Variants in CLVS1 observed in about 807,000 individuals in gnomAD.
CLVS1 encodes clavesin 1.
Under a neutral mutation model 33.1 loss-of-function variants are expected in CLVS1, and 10 were observed. That is an observed-to-expected ratio of 0.30 (90% CI 0.19 to 0.51). The LOEUF is 0.51. Ranked by LOEUF, CLVS1 falls within the 20% of genes least tolerant of loss-of-function variation. The pLI, the probability that CLVS1 is intolerant of heterozygous loss-of-function variation, is 0.97. For synonymous variants in CLVS1, 163 were observed against 166.1 expected (o/e 0.98, Z 0.14); for missense variants, 343 against 433.4 (o/e 0.79, Z 1.85).
At chr8:61,096,714 G>A (rs1279920503) in intron 1 of CLVS1, among the ~76,000 whole-genome samples, 1 of 152,044 alleles carries the variant, frequency 6.6e-6, no homozygotes, top group Non-Finnish European at 1.5e-5. Flanking sequence ...TCTGTGTTTT[G>A]GAATGGTGAA....
intron 1 of CLVS1, among the ~76,000 whole-genome samples, chr8:61,069,645 T>C (rs149321109): frequency 5.6e-4 from 85 of 152,276 alleles, no homozygotes; most frequent in African/African-American, 2.0e-3. Flanking sequence ...TGTTCTCAGT[T>C]CTGCTCCCAA....
chr8:61,211,007 G>A (rs1807959854), intron 2 of CLVS1, among the ~76,000 whole-genome samples: 1 of 152,140 alleles, frequency 6.6e-6, no homozygotes, highest in African/African-American at 2.4e-5. Flanking sequence ...AGAGCAAGGG[G>A]AGAGTAAAGT....
At chr8:61,193,408 T>C (rs1807536550) in intron 2 of CLVS1, among the ~76,000 whole-genome samples, 1 of 151,968 alleles carries the variant, frequency 6.6e-6, no homozygotes, top group African/African-American at 2.4e-5. Flanking sequence ...TTAGGAGATA[T>C]ACCTAATGTA....
At chr8:61,275,659 T>TC (rs1371161389) in intron 2 of CLVS1, among the ~76,000 whole-genome samples, 1 of 152,044 alleles carries the variant, frequency 6.6e-6, no homozygotes, top group Non-Finnish European at 1.5e-5. Flanking sequence ...TTGAGTTCAA[T>TC]CCCCCCACAG....
At chr8:61,020,397 G>A in the CLVS1 span, among the ~76,000 whole-genome samples, 1 of 152,160 alleles carries the variant, frequency 6.6e-6, no homozygotes, top group African/African-American at 2.4e-5. Context: ...TCAGCAATAG[G>A]CTGAAATTGA....
chr8:61,003,599 A>C, the CLVS1 span, among the ~76,000 whole-genome samples: 1 of 152,218 alleles, frequency 6.6e-6, no homozygotes, highest in Non-Finnish European at 1.5e-5. Flanking sequence ...CCAGTGCCTT[A>C]TGGTAGAATC....
At position 61,358,280 on chromosome 8, in the gene CLVS1, T is replaced by C. The variant is rs184689378; in HGVS notation, c.456-18325T>C. Among the ~76,000 whole-genome samples the C allele has an allele frequency of 1.9e-3, 289 of 152,366 alleles. 1 individual carries two copies. Among genetic ancestry groups the C allele is most frequent in the African/African-American group, 6.5e-3 (270 of 41,590 alleles). On this transcript the variant is annotated intron_variant, in intron 2 of 5. Transcript: ENST00000325897. The stretch of plus-strand genomic sequence containing the variant: ...ACCCTCACCTACCTCCTTTCCTATG[T>C]TAGTCATTTCCAGCAAGTAAAATCA...
the CLVS1 span, among the ~76,000 whole-genome samples, chr8:61,031,414 C>T: frequency 5.3e-5 from 8 of 152,194 alleles, no homozygotes; most frequent in East Asian, 1.9e-4. Context: ...AACCTGCCTC[C>T]GTTCCCCACC....
chr8:61,331,160 C>T (rs1419897037), intron 2 of CLVS1, among the ~76,000 whole-genome samples: 2 of 152,166 alleles, frequency 1.3e-5, no homozygotes, highest in African/African-American at 4.8e-5. Flanking sequence ...AATTGCTTTT[C>T]TTCAGAATTT....
At chr8:61,273,169 G>C (rs1237323266) in intron 2 of CLVS1, among the ~76,000 whole-genome samples, 3 of 146,732 alleles carry the variant, frequency 2.0e-5, no homozygotes, top group African/African-American at 5.1e-5. Context: ...ATGGGTTTTT[G>C]GTGTGGATGT....
chr8:61,228,389 T>C (rs903226734), intron 2 of CLVS1, among the ~76,000 whole-genome samples: 1 of 152,178 alleles, frequency 6.6e-6, no homozygotes, highest in African/African-American at 2.4e-5. Flanking sequence ...CAACTTATGA[T>C]GGGGTTAGAT....
At chr8:61,173,077 G>A (rs186814178) in intron 2 of CLVS1, among the ~76,000 whole-genome samples, 42 of 152,124 alleles carry the variant, frequency 2.8e-4, no homozygotes, top group African/African-American at 9.2e-4. Context: ...TGTCAAGTGC[G>A]CATTCAGTAC....
upstream of CLVS1, among the ~76,000 whole-genome samples, chr8:61,056,053 G>A (rs1386497768): frequency 6.6e-6 from 1 of 152,198 alleles, no homozygotes; most frequent in Non-Finnish European, 1.5e-5. Flanking sequence ...AGACTTATCA[G>A]CTCTGCTTAT....
the CLVS1 span, among the ~76,000 whole-genome samples, chr8:60,988,231 TG>T: frequency 6.6e-6 from 1 of 152,102 alleles, no homozygotes; most frequent in African/African-American, 2.4e-5. Flanking sequence ...CTGTAGAGAC[TG>T]GGGGGTGCAG....
chr8:61,286,831 T>G (rs1209403288), upstream of CLVS1, among the ~76,000 whole-genome samples: 1 of 152,166 alleles, frequency 6.6e-6, no homozygotes. Flanking sequence ...AAAAGAAAAT[T>G]TACCCATAGT....
intron 2 of CLVS1, among the ~76,000 whole-genome samples, chr8:61,251,800 C>T (rs911997855): frequency 5.3e-5 from 8 of 152,108 alleles, no homozygotes; most frequent in African/African-American, 1.9e-4. Flanking sequence ...TGATCCTTCT[C>T]TCTTTTCTTC....
rs761212436 is a variant in CLVS1, at chr8:61,300,297, T to C, written c.455+15T>C. 14 of 1,590,358 alleles carry C rather than the reference T, an allele frequency of 8.8e-6. No individual in the cohort carries two copies. Among genetic ancestry groups the C allele is most frequent in the Non-Finnish European group, 1.2e-5 (14 of 1,167,530 alleles). Reference sequence around the variant, plus strand: ...GATCAGAGTAGGTAAATGTAGATAGTGTCTTTACTTGGTTTTTCTTTGCTA... The same window carrying C: ...GATCAGAGTAGGTAAATGTAGATAGCGTCTTTACTTGGTTTTTCTTTGCTA... On this transcript the variant is annotated intron_variant, in intron 2 of 5. Transcript: ENST00000325897.
rs1563586367 is a variant in CLVS1 at position 61,500,307 on chromosome 8, A to C, written c.*765A>C. On this transcript the variant is annotated 3_prime_UTR_variant, in exon 6 of 6. Coordinates refer to ENST00000325897, the MANE Select transcript of CLVS1 (RefSeq NM_173519.3). ...TTAGTGCAGCATGTGTCTGCAGAGG[A>C]GATGTCTCATGAAAATCACATGTCA... 1 of 152,192 alleles carries C rather than the reference A, an allele frequency of 6.6e-6. No individual in the cohort carries two copies. The highest frequency in any genetic ancestry group is 1.5e-5 in the Non-Finnish European group (1 of 68,030). The allele number at this position is 152,192 out of a possible 1,614,324, so 9.4% of individuals were successfully genotyped here. A position where few individuals can be genotyped will look rare whatever the true frequency, so the allele number is the denominator to read the frequency against.
chr8:61,302,466 A>G (rs1411315889), intron 2 of CLVS1, among the ~76,000 whole-genome samples: 1 of 152,174 alleles, frequency 6.6e-6, no homozygotes, highest in African/African-American at 2.4e-5. Context: ...AGCGATGAGA[A>G]CATACAATCC....
Sources: gnomAD v4.1 joint callset for allele counts (sites outside exome capture counted in the v4.1 genomes callset) on GRCh38, gnomAD v4.1.1 for gene constraint, MANE v1.5 for transcripts, NCBI Gene and HGNC (gene_info 2026-07-23, HGNC 2026-07-21) for gene names.